The following FOXK1 variants were observed in gnomAD, a reference collection of about 807,000 sequenced individuals.
The protein encoded by FOXK1 is forkhead box protein K1.
In FOXK1, 19 loss-of-function variants were observed where a neutral mutation model predicts 51.9. That is an observed-to-expected ratio of 0.37 (90% CI 0.26 to 0.54). The LOEUF is 0.54. Among genes scored for constraint, FOXK1 ranks in the 20% least tolerant of loss-of-function variants. The probability of loss-of-function intolerance (pLI) is 0.87; values close to 1 mark genes in which losing one functional copy is unlikely to be tolerated. For missense variants in FOXK1, 870 were observed against 1,032.7 expected, an observed-to-expected ratio of 0.84 and a Z score of 2.16; for synonymous variants, 537 against 482.6, an observed-to-expected ratio of 1.11 and a Z score of -1.48.
chr7:4,729,725 C>T lies in FOXK1; in HGVS notation c.561-11113C>T, dbSNP rs1482161415. Among the ~76,000 whole-genome samples, 1 of 152,222 alleles carries T rather than the reference C, an allele frequency of 6.6e-6. No homozygotes were observed. Among genetic ancestry groups the T allele is most frequent in the East Asian group, 1.9e-4 (1 of 5,190 alleles). ...GAAACCCTGGCCGGGTGCAGCAGCT[C>T]ACGCCTGTAATCCCAGCACTTTGGG... On this transcript the variant is annotated intron_variant, in intron 1 of 8. Coordinates refer to ENST00000328914, the MANE Select transcript of FOXK1 (RefSeq NM_001037165.2). The surrounding 1 kb of genome is among the most constrained non-coding windows in gnomAD (Gnocchi z 6.2).
chr7:4,756,107 G>T lies in FOXK1; in HGVS notation c.1050+724G>T, dbSNP rs565698524. Among the ~76,000 whole-genome samples, 74 of 151,862 alleles carry T rather than the reference G, an allele frequency of 4.9e-4. No homozygotes were observed. Among genetic ancestry groups the T allele is most frequent in the South Asian group, 1.2e-3 (6 of 4,812 alleles). Reference sequence around the variant, plus strand: ...CAGTGTAGCGCATCCACTAGCTTTGGTTTTTTGTTTGTTTGTTTGTTTTTT... The same window carrying T: ...CAGTGTAGCGCATCCACTAGCTTTGTTTTTTTGTTTGTTTGTTTGTTTTTT... On this transcript the variant is annotated intron_variant, in intron 4 of 8. Transcript: ENST00000328914. This position sits in a 1 kb window ranked among gnomAD's most constrained non-coding sequence, Gnocchi z 4.1.
intron 1 of FOXK1, among the ~76,000 whole-genome samples, chr7:4,740,457 A>C (rs1041192415): frequency 6.6e-6 from 1 of 150,930 alleles, no homozygotes; most frequent in Non-Finnish European, 1.5e-5. Context: ...AAAAAATGCA[A>C]AAAATTAGCC....
chr7:4,759,074 AC>A lies in FOXK1; in HGVS notation c.1272del (p.Leu426Ter). The A allele has an allele frequency of 6.2e-7, 1 of 1,605,226 alleles. No individual in the cohort carries two copies. On this transcript the variant is annotated frameshift_variant, in exon 6 of 9. Transcript: ENST00000328914. LOFTEE classifies it high-confidence loss of function. Reference sequence around the variant, plus strand: ...AGGAGCGCTCCAGCTTCGCCCACACACCCCGGGCTGATGTCCCCTCGCTCCG... The same window carrying A: ...AGGAGCGCTCCAGCTTCGCCCACACACCCGGGCTGATGTCCCCTCGCTCCG... ...SSRSAPASPT[H>X]PGLMSPRSGG... is the part of the protein sequence containing the mutation.
At chr7:4,739,590 C>T (rs900235938) in intron 1 of FOXK1, among the ~76,000 whole-genome samples, 3 of 152,214 alleles carry the variant, frequency 2.0e-5, no homozygotes, top group African/African-American at 7.2e-5. Flanking sequence ...GGTGTTGACC[C>T]TGACGCTTGC....
intron 1 of FOXK1, among the ~76,000 whole-genome samples, chr7:4,739,247 C>T (rs906004009): frequency 3.3e-5 from 5 of 152,168 alleles, no homozygotes; most frequent in African/African-American, 1.2e-4. Context: ...TCCTGAATGC[C>T]TTCGGGAACT....
rs1173831746 is a variant in FOXK1, at chr7:4,755,032, G to A, written c.904-205G>A. The A allele has an allele frequency of 2.1e-5, 13 of 604,660 alleles. No homozygotes were observed. The highest frequency in any genetic ancestry group is 4.4e-4 in the Middle Eastern group (1 of 2,268). The allele number at this position is 604,660 out of a possible 1,614,324, so 37.5% of individuals were successfully genotyped here. On this transcript the variant is annotated intron_variant, in intron 3 of 8. Coordinates refer to ENST00000328914, the MANE Select transcript of FOXK1 (RefSeq NM_001037165.2). This position sits in a 1 kb window ranked among gnomAD's most constrained non-coding sequence, Gnocchi z 6.6. ...TTCAGAATTAAATTATAATAAAACCGAAGTTTTCCTTCCCATGAGGCAAAA... is the reference window on the plus strand; with the variant it reads ...TTCAGAATTAAATTATAATAAAACCAAAGTTTTCCTTCCCATGAGGCAAAA...
At chr7:4,740,704 A>C in intron 1 of FOXK1, 134 bp from the exon 2 acceptor site, 1 of 833,470 alleles carries the variant, frequency 1.2e-6, no homozygotes, top group Non-Finnish European at 1.9e-6. Flanking sequence ...AAAAGCATCG[A>C]AACTGCTCTC....
At position 4,683,018 on chromosome 7, in the gene FOXK1, C is replaced by G; in HGVS notation, c.560+150C>G. The G allele has an allele frequency of 2.5e-6, 2 of 788,524 alleles. No individual in the cohort carries two copies. Among genetic ancestry groups the G allele is most frequent in the Non-Finnish European group, 3.7e-6 (2 of 538,204 alleles). The allele number at this position is 788,524 out of a possible 1,614,324, so 48.8% of individuals were successfully genotyped here. A position where few individuals can be genotyped will look rare whatever the true frequency, so the allele number is the denominator to read the frequency against. On this transcript the variant is annotated intron_variant, in intron 1 of 8. Transcript: ENST00000328914. This position sits in a 1 kb window ranked among gnomAD's most constrained non-coding sequence, Gnocchi z 4.5. ...CCCGGTAACCCCCGACCGGCCTGGA[C>G]TCCGGGGTCAACCCCGACCCCCGCC...
intron 1 of FOXK1, among the ~76,000 whole-genome samples, chr7:4,716,792 G>A (rs73303376): frequency 0.031 from 4,690 of 152,336 alleles, 227 homozygotes; most frequent in African/African-American, 0.11. Context: ...TTACATAGGC[G>A]TCACAAAACA....
intron 1 of FOXK1, among the ~76,000 whole-genome samples, chr7:4,702,313 A>G (rs1283058191): frequency 2.0e-5 from 3 of 152,204 alleles, no homozygotes; most frequent in East Asian, 3.9e-4. Flanking sequence ...GTAGACATCT[A>G]AGAGGCATTT....
rs560843220 is a variant in FOXK1, at chr7:4,703,414, C to T, written c.560+20546C>T. ...CTGAAGTTCGTGGCCCCAAGACATG[C>T]GGAGAACCCGCGTCTGCAGGGCTGG... On this transcript the variant is annotated intron_variant, in intron 1 of 8. Transcript: ENST00000328914. The surrounding 1 kb of genome is among the most constrained non-coding windows in gnomAD (Gnocchi z 5.6). 1.3e-3 allele frequency among the ~76,000 whole-genome samples: 204 copies of T among 152,262 alleles called. No individual in the cohort carries two copies. The highest frequency in any genetic ancestry group is 4.8e-3 in the African/African-American group (199 of 41,542).
intron 1 of FOXK1, among the ~76,000 whole-genome samples, chr7:4,685,441 C>G (rs1421838987): frequency 6.6e-6 from 1 of 151,682 alleles, no homozygotes; most frequent in African/African-American, 2.4e-5. Flanking sequence ...GTCTCGATCT[C>G]CTGACCTCGT....
intron 1 of FOXK1, among the ~76,000 whole-genome samples, chr7:4,728,187 T>C (rs1197530087): frequency 6.6e-6 from 1 of 152,196 alleles, no homozygotes; most frequent in Non-Finnish European, 1.5e-5. Context: ...GACACGACTC[T>C]TTCTTGCCTG....
In FOXK1 at chr7:4,722,776, C is replaced by A. The variant is rs770870908; in HGVS notation, c.561-18062C>A. 2.6e-5 allele frequency among the ~76,000 whole-genome samples: 4 copies of A among 152,182 alleles called. No homozygotes were observed. The highest frequency in any genetic ancestry group is 9.7e-5 in the African/African-American group (4 of 41,448). On this transcript the variant is annotated intron_variant, in intron 1 of 8. Transcript: ENST00000328914. The surrounding 1 kb of genome is among the most constrained non-coding windows in gnomAD (Gnocchi z 5.1). ...GCTTTTGGCTTTGGGGGATTCCGTT[C>A]CTTTGCTGCTGCCTTGGCCACAGGC...
intron 3 of FOXK1, 30 bp downstream of exon 3, chr7:4,754,645 C>A: frequency 6.3e-7 from 1 of 1,593,338 alleles, no homozygotes; most frequent in Non-Finnish European, 8.5e-7. Context: ...CGTGGTGCAC[C>A]TGGTGACCCA....
chr7:4,739,234 C>A (rs917350717), intron 1 of FOXK1, among the ~76,000 whole-genome samples: 1 of 152,168 alleles, frequency 6.6e-6, no homozygotes, highest in African/African-American at 2.4e-5. Context: ...AGTACTTTGC[C>A]CGTCCTGAAT....
chr7:4,710,151 T>C (rs1780156698), intron 1 of FOXK1, among the ~76,000 whole-genome samples: 1 of 152,256 alleles, frequency 6.6e-6, no homozygotes, highest in Admixed American at 6.5e-5. Flanking sequence ...CTGACTGTTT[T>C]GATGACTTTG....
rs1331298174 is a variant in FOXK1, at chr7:4,711,714, C to G, written c.560+28846C>G. 6.6e-6 allele frequency among the ~76,000 whole-genome samples: 1 copy of G among 152,224 alleles called. No homozygotes were observed. The highest frequency in any genetic ancestry group is 2.4e-5 in the African/African-American group (1 of 41,464). On this transcript the variant is annotated intron_variant, in intron 1 of 8. Transcript: ENST00000328914. This position sits in a 1 kb window ranked among gnomAD's most constrained non-coding sequence, Gnocchi z 6.3. ...GGGCAGTGGTGCTGCCGTGTCTTGT[C>G]AGGAGGCCAGCTCTGTGTCACCCAC... is the stretch of plus-strand genomic sequence containing the variant.
At chr7:4,744,818 T>G (rs1562386737) in intron 2 of FOXK1, among the ~76,000 whole-genome samples, 1 of 152,234 alleles carries the variant, frequency 6.6e-6, no homozygotes, top group East Asian at 1.9e-4. Context: ...AACCGCCCTG[T>G]GCAAAGACCG....
Sources: gnomAD v4.1 joint callset for allele counts (sites outside exome capture counted in the v4.1 genomes callset) on GRCh38, gnomAD v4.1.1 for gene constraint, Gnocchi (gnomAD v3.1) non-coding constraint, MANE v1.5 for transcripts, NCBI Gene and HGNC (gene_info 2026-07-23, HGNC 2026-07-21) for gene names.